The following EMP2 variants were observed in gnomAD, a reference collection of about 807,000 sequenced individuals.
EMP2 encodes epithelial membrane protein 2.
EMP2 carries 19 observed loss-of-function variants against 13.7 expected under a neutral mutation model. The ratio of observed to expected loss-of-function variants is 1.38; its 90% confidence interval spans 0.97 to 2.03. The LOEUF is 2.03. Among genes scored for constraint, EMP2 ranks in the 30% most tolerant of loss-of-function variants. EMP2 has a pLI of 0.00. For missense variants in EMP2, 253 were observed against 220.7 expected, an observed-to-expected ratio of 1.15 and a Z score of -0.93; for synonymous variants, 97 against 84.7, an observed-to-expected ratio of 1.15 and a Z score of -0.80.
intron 1 of EMP2, among the ~76,000 whole-genome samples, chr16:10,557,909 G>A (rs189354423): frequency 1.3e-5 from 2 of 152,242 alleles, no homozygotes; most frequent in East Asian, 3.9e-4. Context: ...CAGAACTGGA[G>A]AGAGTGGGGC....
At chr16:10,560,960 G>A (rs190154458) in intron 1 of EMP2, among the ~76,000 whole-genome samples, 1 of 152,170 alleles carries the variant, frequency 6.6e-6, no homozygotes. Context: ...GGGAAGCTTT[G>A]TAAGCAGAAA....
At chr16:10,562,135 C>G (rs1055572399) in intron 1 of EMP2, among the ~76,000 whole-genome samples, 3 of 152,034 alleles carry the variant, frequency 2.0e-5, no homozygotes, top group African/African-American at 7.2e-5. Flanking sequence ...AAAGACAGAC[C>G]AATATCCCAC....
chr16:10,564,033 T>C (rs1014809477), intron 1 of EMP2, among the ~76,000 whole-genome samples: 3 of 152,348 alleles, frequency 2.0e-5, no homozygotes, highest in Admixed American at 2.0e-4. Context: ...GACTGCTCCT[T>C]GGGGAGCAGG....
At chr16:10,562,392 CTCTCTCTATCTCTA>C (rs2050879071) in intron 1 of EMP2, among the ~76,000 whole-genome samples, 1 of 151,324 alleles carries the variant, frequency 6.6e-6, no homozygotes, top group African/African-American at 2.4e-5. Context: ...ATCTATCTCT[CTCTCTCTATCTCTA>C]TCTCTCTGCC....
chr16:10,544,777 C>G (rs1447139023), intron 2 of EMP2: 2 of 152,160 alleles, frequency 1.3e-5, no homozygotes, highest in African/African-American at 4.8e-5. Flanking sequence ...CCCAGCTACT[C>G]AGGAGTCTGA....
intron 4 of EMP2, among the ~76,000 whole-genome samples, chr16:10,537,076 A>G (rs972622057): frequency 1.3e-5 from 2 of 152,172 alleles, no homozygotes; most frequent in African/African-American, 4.8e-5. Context: ...GTTAGGGCCA[A>G]GCAGCCTAAG....
At chr16:10,545,303 G>A (rs1038101341) in intron 2 of EMP2, 3 of 152,192 alleles carry the variant, frequency 2.0e-5, no homozygotes, top group African/African-American at 7.2e-5. Context: ...GTGAGCTCCT[G>A]GAATGGTGGG....
chr16:10,566,498 A>G (rs901937112), intron 1 of EMP2, among the ~76,000 whole-genome samples: 3 of 152,220 alleles, frequency 2.0e-5, no homozygotes, highest in Admixed American at 6.5e-5. Context: ...AAATCAGAAG[A>G]ACTGAAAGAG....
At chr16:10,554,558 CTG>C (rs1180422950) in intron 1 of EMP2, among the ~76,000 whole-genome samples, 8 of 152,194 alleles carry the variant, frequency 5.3e-5, no homozygotes, top group Admixed American at 3.9e-4. Flanking sequence ...GTTCCCGGGG[CTG>C]TGTGTTGGAT....
At chr16:10,572,313 TGGGTGCACCTGTG>T (rs1379902550) in intron 1 of EMP2, among the ~76,000 whole-genome samples, 1 of 151,706 alleles carries the variant, frequency 6.6e-6, no homozygotes, top group Non-Finnish European at 1.5e-5. Context: ...AAAAATTAGC[TGGGTGCACCTGTG>T]GTCCCAGCTA....
At position 10,556,327 on chromosome 16, in the gene EMP2, G is replaced by C. The variant is rs115238987; in HGVS notation, c.-60-8650C>G. 8.2e-4 allele frequency among the ~76,000 whole-genome samples: 124 copies of C among 151,952 alleles called. 2 individuals carry two copies. The highest frequency in any genetic ancestry group is 2.9e-3 in the African/African-American group (120 of 41,386). ...AGTCTTCTGTTGCAGAACCCCAAAC[G>C]CAACAAATGTATGGTTTTGGTTACA... is the stretch of plus-strand genomic sequence containing the variant. On this transcript the variant is annotated intron_variant, in intron 1 of 4. Transcript: ENST00000359543.
At chr16:10,534,291 A>T (rs73502056) in intron 4 of EMP2, among the ~76,000 whole-genome samples, 1 of 152,288 alleles carries the variant, frequency 6.6e-6, no homozygotes, top group East Asian at 1.9e-4. Context: ...AACACTAAAG[A>T]TGACAGAATA....
intron 4 of EMP2, among the ~76,000 whole-genome samples, chr16:10,536,535 T>G (rs867022935): frequency 2.4e-4 from 37 of 152,300 alleles, no homozygotes; most frequent in African/African-American, 7.9e-4. Flanking sequence ...TAAGCCCTTT[T>G]GTTCTTCCTT....
chr16:10,556,560 C>A (rs2050829049), intron 1 of EMP2, among the ~76,000 whole-genome samples: 1 of 152,288 alleles, frequency 6.6e-6, no homozygotes, highest in East Asian at 1.9e-4. Context: ...TTCAACATAA[C>A]CCCAAGATAA....
chr16:10,562,435 G>A (rs1369632768), intron 1 of EMP2, among the ~76,000 whole-genome samples: 1 of 149,512 alleles, frequency 6.7e-6, no homozygotes, highest in Non-Finnish European at 1.5e-5. Flanking sequence ...GTGTGAACAA[G>A]CCCAGGCTGG....
At chr16:10,557,537 G>A (rs1016515854) in intron 1 of EMP2, among the ~76,000 whole-genome samples, 9 of 152,096 alleles carry the variant, frequency 5.9e-5, no homozygotes, top group Admixed American at 1.3e-4. Context: ...TATCTAAAAG[G>A]AACTAAGCAC....
chr16:10,548,466 G>A (rs1050259169), intron 1 of EMP2, among the ~76,000 whole-genome samples: 1 of 152,186 alleles, frequency 6.6e-6, no homozygotes, highest in Non-Finnish European at 1.5e-5. Flanking sequence ...CAAGGCAAGA[G>A]GATGTTAATT....
intron 4 of EMP2, 132 bp downstream of exon 4, chr16:10,537,796 G>T: frequency 1.8e-6 from 2 of 1,126,806 alleles, no homozygotes; most frequent in Non-Finnish European, 2.6e-6. Flanking sequence ...ACACACACCG[G>T]CACACAGCAC....
At chr16:10,574,404 T>A (rs1027421524) in intron 1 of EMP2, among the ~76,000 whole-genome samples, 2 of 151,952 alleles carry the variant, frequency 1.3e-5, no homozygotes, top group African/African-American at 4.8e-5. Flanking sequence ...TTCTTGGGGA[T>A]GTGGAAGGGA....
Sources: allele counts gnomAD v4.1 joint callset (sites outside exome capture counted in the v4.1 genomes callset), GRCh38; gene constraint gnomAD v4.1.1; transcripts MANE v1.5; gene names NCBI Gene and HGNC (gene_info 2026-07-23, HGNC 2026-07-21).